OCLN: variants seen among roughly 807,000 people sequenced by gnomAD.
OCLN encodes occludin.
A neutral mutation model predicts 47.9 loss-of-function variants in OCLN; 21 were observed. The observed-to-expected ratio is 0.44, with a 90% CI of 0.31 to 0.63. The LOEUF is 0.63. Ranked by LOEUF, OCLN falls within the 30% of genes least tolerant of loss-of-function variation. The pLI, the probability that OCLN is intolerant of heterozygous loss-of-function variation, is 0.08. For synonymous variants in OCLN, 117 were observed against 198.4 expected, an observed-to-expected ratio of 0.59 and a Z score of 3.45; for missense variants, 360 against 571.0, an observed-to-expected ratio of 0.63 and a Z score of 3.77.
chr5:69,519,990 C>T (rs534731662), intron 4 of OCLN, among the ~76,000 whole-genome samples: 170 of 152,326 alleles, frequency 1.1e-3, no homozygotes, highest in Admixed American at 2.3e-3. Flanking sequence ...GAGACAGTCT[C>T]GCTCTGTTGC....
chr5:69,500,403 C>T (rs1032617106), intron 1 of OCLN, among the ~76,000 whole-genome samples: 19 of 142,522 alleles, frequency 1.3e-4, no homozygotes, highest in Non-Finnish European at 2.0e-4. Context: ...GCTTTCTTTT[C>T]TTTTTTTTTT....
chr5:69,547,749 A>C (rs568294000), intron 6 of OCLN, among the ~76,000 whole-genome samples, 181 bp from the exon 7 acceptor site: 1 of 149,904 alleles, frequency 6.7e-6, no homozygotes, highest in Non-Finnish European at 1.5e-5. Context: ...GAGCAGTAAT[A>C]TATAGTCACT....
At chr5:69,510,181 T>C (rs1768739979) in intron 3 of OCLN, among the ~76,000 whole-genome samples, 1 of 152,130 alleles carries the variant, frequency 6.6e-6, no homozygotes. Flanking sequence ...TATAAATTTG[T>C]CTATTCTCTA....
At chr5:69,518,635 G>A (rs1769042969) in intron 4 of OCLN, among the ~76,000 whole-genome samples, 1 of 152,204 alleles carries the variant, frequency 6.6e-6, no homozygotes, top group Non-Finnish European at 1.5e-5. Context: ...GGCCATCGCT[G>A]TGGAATTGTG....
intron 3 of OCLN, among the ~76,000 whole-genome samples, chr5:69,511,724 A>G (rs921453693): frequency 6.6e-6 from 1 of 151,872 alleles, no homozygotes; most frequent in Admixed American, 6.6e-5. Flanking sequence ...TGTCCTTTGC[A>G]TAAAAGCTTT....
At chr5:69,528,623 G>A (rs1769345694) in intron 4 of OCLN, among the ~76,000 whole-genome samples, 1 of 152,120 alleles carries the variant, frequency 6.6e-6, no homozygotes, top group Admixed American at 6.5e-5. Flanking sequence ...AAAGAGCTGA[G>A]CTTTGGAGCT....
At chr5:69,537,189 C>CTTTT (rs1157355945) in intron 5 of OCLN, among the ~76,000 whole-genome samples, 29 of 80,604 alleles carry the variant, frequency 3.6e-4, no homozygotes, top group Non-Finnish European at 5.8e-4. Flanking sequence ...ATTCTATAAG[C>CTTTT]TTTTTTTTTT....
intron 7 of OCLN, among the ~76,000 whole-genome samples, chr5:69,550,418 C>G (rs887674384): frequency 6.6e-6 from 1 of 151,302 alleles, no homozygotes; most frequent in African/African-American, 2.4e-5. Context: ...CCTCGAACTC[C>G]TGACCTCAGG....
In OCLN at chr5:69,553,675, G is replaced by A. The variant is rs374897366; in HGVS notation, c.*4G>A. Reference sequence around the variant, plus strand: ...CTATGATAGACAGAAAACATAGAAGGCTGATGCCAAGTTGTTTGAGAAATT... The same window carrying A: ...CTATGATAGACAGAAAACATAGAAGACTGATGCCAAGTTGTTTGAGAAATT... On this transcript the variant is annotated 3_prime_UTR_variant, in exon 9 of 9. Coordinates refer to ENST00000396442, the MANE Select transcript of OCLN (RefSeq NM_001205254.2). The A allele has an allele frequency of 9.3e-6, 15 of 1,611,758 alleles. No homozygotes were observed. The African/African-American group carries it at 2.0e-4, about 22-fold the overall frequency.
At chr5:69,504,105 G>T in intron 1 of OCLN, 72 bp from the exon 2 acceptor site, 1 of 703,020 alleles carries the variant, frequency 1.4e-6, no homozygotes, top group Non-Finnish European at 2.6e-6. Flanking sequence ...GTCTCGGGGT[G>T]GGGGTGGGAT....
intron 4 of OCLN, among the ~76,000 whole-genome samples, chr5:69,533,035 ACATG>A (rs1320408911): frequency 4.7e-5 from 7 of 148,772 alleles, no homozygotes; most frequent in African/African-American, 7.5e-5. Context: ...ATACACACAC[ACATG>A]TATATATACA....
intron 4 of OCLN, among the ~76,000 whole-genome samples, chr5:69,526,974 G>C: frequency 6.6e-6 from 1 of 152,152 alleles, no homozygotes; most frequent in East Asian, 1.9e-4. Context: ...ATTAGGCCCT[G>C]TACATCAAAA....
At chr5:69,524,775 C>T (rs1235666688) in intron 4 of OCLN, among the ~76,000 whole-genome samples, 1 of 152,230 alleles carries the variant, frequency 6.6e-6, no homozygotes. Flanking sequence ...TAACCTCCGC[C>T]TCCCGGGTTC....
intron 2 of OCLN, among the ~76,000 whole-genome samples, chr5:69,504,914 C>T (rs1768555513): frequency 6.6e-6 from 1 of 151,534 alleles, no homozygotes; most frequent in African/African-American, 2.4e-5. Flanking sequence ...GAGATCACGC[C>T]ACTGCACTCC....
intron 4 of OCLN, among the ~76,000 whole-genome samples, chr5:69,515,157 AC>A (rs1385582414): frequency 2.1e-4 from 30 of 141,194 alleles, no homozygotes; most frequent in Non-Finnish European, 3.9e-4. Context: ...CGGGGGGCTG[AC>A]CCCCCCACCT....
At chr5:69,496,250 C>T (rs1768285989) in intron 1 of OCLN, among the ~76,000 whole-genome samples, 1 of 152,092 alleles carries the variant, frequency 6.6e-6, no homozygotes, top group South Asian at 2.1e-4. Context: ...AGGCGCCTGC[C>T]ACCATGCCCA....
intron 1 of OCLN, among the ~76,000 whole-genome samples, chr5:69,495,338 G>GGAT (rs1768261166): frequency 6.6e-6 from 1 of 152,076 alleles, no homozygotes; most frequent in Admixed American, 6.6e-5. Flanking sequence ...AATCACTTAG[G>GGAT]GATCCTATTA....
chr5:69,522,986 C>A (rs887284505), intron 4 of OCLN, among the ~76,000 whole-genome samples: 2 of 151,328 alleles, frequency 1.3e-5, no homozygotes, highest in African/African-American at 4.9e-5. Flanking sequence ...CCTTGGCCTC[C>A]CAAACTGCTG....
At chr5:69,518,327 T>C (rs940380665) in intron 4 of OCLN, among the ~76,000 whole-genome samples, 5 of 152,228 alleles carry the variant, frequency 3.3e-5, no homozygotes, top group African/African-American at 7.2e-5. Flanking sequence ...ATAGCAGATA[T>C]ATGATTTTGC....
Sources: gnomAD v4.1 joint callset for allele counts (sites outside exome capture counted in the v4.1 genomes callset) on GRCh38, gnomAD v4.1.1 for gene constraint, MANE v1.5 for transcripts, NCBI Gene and HGNC (gene_info 2026-07-23, HGNC 2026-07-21) for gene names.